SPATA13: variants seen among roughly 807,000 people sequenced by gnomAD.
SPATA13 encodes spermatogenesis associated 13.
SPATA13 carries 50 observed loss-of-function variants against 104.0 expected under a neutral mutation model. The ratio of observed to expected loss-of-function variants is 0.48; its 90% CI spans 0.38 to 0.61. The LOEUF is 0.61. Among genes scored for constraint, SPATA13 ranks in the 20% least tolerant of loss-of-function variants. The pLI is 0.00. For synonymous variants in SPATA13, 606 were observed against 667.5 expected, an observed-to-expected ratio of 0.91 and a Z score of 1.42; for missense variants, 1,524 against 1,690.6, an observed-to-expected ratio of 0.90 and a Z score of 1.73.
At chr13:24,255,728 G>A (rs1012137060) in intron 4 of SPATA13, among the ~76,000 whole-genome samples, 2 of 152,190 alleles carry the variant, frequency 1.3e-5, no homozygotes, top group Admixed American at 6.5e-5. Context: ...ACCATCTCTA[G>A]CATTTCCATC....
intron 2 of SPATA13, among the ~76,000 whole-genome samples, chr13:23,997,615 T>C (rs954306095): frequency 1.3e-5 from 2 of 152,190 alleles, no homozygotes; most frequent in Non-Finnish European, 2.9e-5. Flanking sequence ...TGGCTCATGC[T>C]TCTGCAGGTT....
intron 3 of SPATA13, among the ~76,000 whole-genome samples, chr13:24,143,073 G>A (rs1046574154): frequency 3.9e-5 from 6 of 152,200 alleles, no homozygotes; most frequent in African/African-American, 9.7e-5. Context: ...AGCACCTGCC[G>A]GGCAGCAGGC....
chr13:23,992,558 C>T (rs1875464035), intron 2 of SPATA13, among the ~76,000 whole-genome samples: 2 of 152,134 alleles, frequency 1.3e-5, no homozygotes. Flanking sequence ...TTTCCAGGAC[C>T]ATTACACCCA....
intron 2 of SPATA13, among the ~76,000 whole-genome samples, chr13:24,236,178 A>T (rs1054154203): frequency 6.6e-6 from 1 of 152,202 alleles, no homozygotes; most frequent in Non-Finnish European, 1.5e-5. Flanking sequence ...TAGCCTCCTC[A>T]TCTCTTGAGG....
At chr13:24,269,974 A>G (rs1874491015) in intron 4 of SPATA13, among the ~76,000 whole-genome samples, 1 of 151,644 alleles carries the variant, frequency 6.6e-6, no homozygotes, top group Non-Finnish European at 1.5e-5. Flanking sequence ...CTCCTGCGTC[A>G]TCCTCCTGAG....
chr13:24,197,623 A>G (rs751504465), intron 1 of SPATA13, among the ~76,000 whole-genome samples: 1 of 152,250 alleles, frequency 6.6e-6, no homozygotes, highest in Non-Finnish European at 1.5e-5. Context: ...AGATTAACCT[A>G]TAACTTACCT....
intron 4 of SPATA13, among the ~76,000 whole-genome samples, chr13:24,261,839 G>A (rs1874077042): frequency 1.3e-5 from 2 of 151,976 alleles, no homozygotes; most frequent in Non-Finnish European, 2.9e-5. Flanking sequence ...GGAGGATGTT[G>A]GGGGAGTTGT....
intron 3 of SPATA13, chr13:24,122,188 C>A: frequency 6.5e-7 from 1 of 1,534,478 alleles, no homozygotes; most frequent in South Asian, 1.1e-5. Context: ...TTTGATCAGC[C>A]AGCATTGCTA....
chr13:24,279,802 C>T (rs1181524574), intron 4 of SPATA13, among the ~76,000 whole-genome samples: 4 of 152,224 alleles, frequency 2.6e-5, no homozygotes, highest in South Asian at 2.1e-4. Context: ...GGAATTTTCA[C>T]TCCAGGCTCC....
intron 7 of SPATA13, among the ~76,000 whole-genome samples, chr13:24,287,197 G>A (rs750708704): frequency 5.9e-5 from 9 of 152,150 alleles, no homozygotes; most frequent in South Asian, 2.1e-4. Context: ...GTCTTGCTCT[G>A]TCATGCAGAC....
At chr13:24,059,034 G>A (rs1878677022) in intron 3 of SPATA13, among the ~76,000 whole-genome samples, 1 of 151,546 alleles carries the variant, frequency 6.6e-6, no homozygotes, top group African/African-American at 2.4e-5. Context: ...TGCAGTGGCG[G>A]AATCTCCACT....
intron 1 of SPATA13, among the ~76,000 whole-genome samples, chr13:24,212,296 GAA>G (rs11288795): frequency 0.063 from 8,451 of 134,272 alleles, 574 homozygotes; most frequent in African/African-American, 0.17. Context: ...CCCTGTTTAA[GAA>G]AAAAAAAAAA....
At chr13:24,092,837 T>C (rs1028728686) in intron 3 of SPATA13, among the ~76,000 whole-genome samples, 2 of 152,210 alleles carry the variant, frequency 1.3e-5, no homozygotes, top group Admixed American at 6.5e-5. Flanking sequence ...TAGACTCCAC[T>C]GTGTGGACTT....
chr13:24,074,654 G>T (rs7998390), intron 3 of SPATA13, among the ~76,000 whole-genome samples: 1 of 151,800 alleles, frequency 6.6e-6, no homozygotes, highest in Non-Finnish European at 1.5e-5. Flanking sequence ...AAAAACCCTT[G>T]TAGGAATTAG....
intron 2 of SPATA13, among the ~76,000 whole-genome samples, chr13:23,992,574 C>T (rs1875464626): frequency 6.6e-6 from 1 of 152,086 alleles, no homozygotes; most frequent in Non-Finnish European, 1.5e-5. Context: ...ACCCACAGAC[C>T]AGAGAAGAAT....
chr13:24,118,651 T>C (rs1880930468), intron 3 of SPATA13, among the ~76,000 whole-genome samples: 1 of 152,300 alleles, frequency 6.6e-6, no homozygotes, highest in East Asian at 1.9e-4. Flanking sequence ...CTGGTGATGC[T>C]GGTGCAGTAG....
intron 3 of SPATA13, among the ~76,000 whole-genome samples, chr13:24,076,920 A>G (rs9551053): frequency 0.29 from 43,599 of 151,646 alleles, 6,562 homozygotes; most frequent in South Asian, 0.41. Context: ...ATTGCAGCAG[A>G]TCGGCTCTTC....
intron 3 of SPATA13, among the ~76,000 whole-genome samples, chr13:24,107,567 C>A (rs1483797804): frequency 6.6e-6 from 1 of 152,244 alleles, no homozygotes; most frequent in African/African-American, 2.4e-5. Flanking sequence ...ATCACCTCCT[C>A]ACCAAAGGTA....
intron 2 of SPATA13, among the ~76,000 whole-genome samples, chr13:23,986,119 G>A (rs188647331): frequency 1.3e-5 from 2 of 152,310 alleles, no homozygotes; most frequent in East Asian, 3.9e-4. Context: ...TGGTGTGTTA[G>A]GTTTGCAAGT....
Sources: allele counts gnomAD v4.1 joint callset (sites outside exome capture counted in the v4.1 genomes callset), GRCh38; gene constraint gnomAD v4.1.1; transcripts MANE v1.5; gene names NCBI Gene and HGNC (gene_info 2026-07-23, HGNC 2026-07-21).